The following COL6A5 variants were observed in gnomAD, a reference collection of about 807,000 sequenced individuals.
The protein encoded by COL6A5 is collagen type VI alpha 5 chain, also known as collagen alpha-5(VI) chain.
Under a neutral mutation model 65.6 loss-of-function variants are expected in COL6A5, and 48 were observed. The ratio of observed to expected loss-of-function variants is 0.73; its 90% CI spans 0.58 to 0.93. COL6A5 has a LOEUF of 0.93. Among genes scored for constraint, COL6A5 ranks in the 40% least tolerant of loss-of-function variants. The pLI, the probability that COL6A5 is intolerant of heterozygous loss-of-function variation, is 0.00. For synonymous variants in COL6A5, 291 were observed against 322.8 expected, an observed-to-expected ratio of 0.90 and a Z score of 1.05; for missense variants, 914 against 928.3, an observed-to-expected ratio of 0.98 and a Z score of 0.20.
chr3:130,477,055 C>T, intron 7 of COL6A5: 1 of 1,504,448 alleles, frequency 6.6e-7, no homozygotes, highest in Non-Finnish European at 8.9e-7. Flanking sequence ...ATGGAAGCTA[C>T]AGACATCTGA....
chr3:130,351,974 G>A (rs1934734119), intron 1 of COL6A5, among the ~76,000 whole-genome samples: 1 of 152,144 alleles, frequency 6.6e-6, no homozygotes, highest in Non-Finnish European at 1.5e-5. Flanking sequence ...ATACTATGCA[G>A]CCATAAAAAA....
In COL6A5 at chr3:130,421,473, G is replaced by T; in HGVS notation, c.5037+113G>T. 3 of 995,876 alleles carry T rather than the reference G, an allele frequency of 3.0e-6. No homozygotes were observed. In the East Asian group the frequency reaches 7.8e-5, roughly 26 times the overall value. The allele number at this position is 995,876 out of a possible 1,614,324, so 61.7% of individuals were successfully genotyped here. The stretch of plus-strand genomic sequence containing the variant: ...GGACAATAAGGAGAAACCAAGGACA[G>T]TTGTTTTCCTTGGGCTTCCTGAGGA... On this transcript the variant is annotated intron_variant and NMD_transcript_variant, in intron 27 of 41. Coordinates refer to the COL6A5 transcript ENST00000312481.
At chr3:130,374,922 T>A (rs1935710229) in intron 2 of COL6A5, among the ~76,000 whole-genome samples, 1 of 152,224 alleles carries the variant, frequency 6.6e-6, no homozygotes, top group Non-Finnish European at 1.5e-5. Context: ...TAAGTTTTTA[T>A]ACTCTCTTGT....
chr3:130,471,788 G>A, intron 7 of COL6A5: 1 of 1,534,888 alleles, frequency 6.5e-7, no homozygotes. Context: ...TCATAGTAGT[G>A]GTTCTGAGAC....
At chr3:130,455,777 T>A (rs1709558370) in intron 5 of COL6A5, 111 bp downstream of exon 37, 11 of 779,120 alleles carry the variant, frequency 1.4e-5, no homozygotes, top group Non-Finnish European at 2.1e-5. Flanking sequence ...CAACTTTTTT[T>A]AAAGTTCATT....
chr3:130,416,969 A>G (rs1024811974), intron 24 of COL6A5, 150 bp downstream of exon 24: 3 of 574,260 alleles, frequency 5.2e-6, no homozygotes, highest in South Asian at 2.5e-5. Context: ...CAGAACATGC[A>G]GGTTTGTTAC....
chr3:130,483,887 C>T (rs1040387960), intron 7 of COL6A5, 148 bp from the exon 41 acceptor site: 7 of 613,724 alleles, frequency 1.1e-5, no homozygotes, highest in African/African-American at 1.1e-4. Context: ...TATCACATCA[C>T]CCTGAGCTGG....
chr3:130,356,027 A>G (rs55935038), intron 1 of COL6A5, among the ~76,000 whole-genome samples: 2,862 of 152,194 alleles, frequency 0.019, 83 homozygotes, highest in African/African-American at 0.064. Context: ...TGTAGTGCAT[A>G]CTTTTTTCTG....
intron 1 of COL6A5, among the ~76,000 whole-genome samples, chr3:130,358,343 A>T (rs898331938): frequency 1.3e-5 from 2 of 152,196 alleles, no homozygotes; most frequent in Admixed American, 1.3e-4. Context: ...TTTTATTTAA[A>T]ATGAGAATAT....
intron 29 of COL6A5, among the ~76,000 whole-genome samples, chr3:130,424,589 T>C (rs2107687679): frequency 6.6e-6 from 1 of 152,256 alleles, no homozygotes; most frequent in Non-Finnish European, 1.5e-5. Flanking sequence ...GCTGCTTATC[T>C]TGTTTTGTGC....
At chr3:130,365,463 G>A (rs1418433239) in intron 1 of COL6A5, among the ~76,000 whole-genome samples, 1 of 152,164 alleles carries the variant, frequency 6.6e-6, no homozygotes, top group Non-Finnish European at 1.5e-5. Context: ...ATTTTTAGTA[G>A]AGACGGGGTT....
chr3:130,384,969 A>G, exon 5 of COL6A5: 2 of 1,551,020 alleles, frequency 1.3e-6, no homozygotes, highest in South Asian at 1.2e-5. Flanking sequence ...TATTCAGATG[A>G]CACAGAAGTG....
rs539302578 is a variant in COL6A5 at position 130,481,079 on chromosome 3, G to A, written c.2329-2956G>A. On this transcript the variant is annotated intron_variant, in intron 7 of 7. Transcript: ENST00000512836. ...TTTTTTTTAATCCTTTAAGTTCTGG[G>A]ATACATGTATAAAATGTGCAGGTTT... Among the ~76,000 whole-genome samples, 220 of 151,830 alleles carry A rather than the reference G, an allele frequency of 1.4e-3. 1 individual carries two copies. Among genetic ancestry groups the A allele is most frequent in the Non-Finnish European group, 2.3e-3 (155 of 67,940 alleles).
intron 3 of COL6A5, 128 bp downstream of exon 3, chr3:130,376,964 A>G (rs1267647965): frequency 2.9e-6 from 3 of 1,024,940 alleles, no homozygotes; most frequent in Non-Finnish European, 4.1e-6. Flanking sequence ...ACTTCTACAC[A>G]TCATACCTAC....
chr3:130,404,087 T>C (rs1303334151), intron 13 of COL6A5, among the ~76,000 whole-genome samples: 3 of 152,192 alleles, frequency 2.0e-5, no homozygotes, highest in Non-Finnish European at 2.9e-5. Flanking sequence ...GCTTAGTACA[T>C]GGCTTTGGGC....
At chr3:130,400,547 T>A (rs1244605924) in intron 10 of COL6A5, among the ~76,000 whole-genome samples, 1 of 151,676 alleles carries the variant, frequency 6.6e-6, no homozygotes, top group East Asian at 1.9e-4. Flanking sequence ...GCTGAGACAA[T>A]TGCCCTGGGC....
exon 4 of COL6A5, chr3:130,379,903 G>A (rs1470443208): frequency 6.4e-7 from 1 of 1,551,356 alleles, no homozygotes; most frequent in Non-Finnish European, 8.7e-7. Context: ...AGAAGAAATA[G>A]TGTCTTATCC....
intron 29 of COL6A5, among the ~76,000 whole-genome samples, chr3:130,424,710 A>G (rs1458298303): frequency 6.6e-6 from 1 of 152,154 alleles, no homozygotes; most frequent in African/African-American, 2.4e-5. Context: ...TAGAATGACA[A>G]TCAGCTAACT....
Position 130,466,907 on chromosome 3 carries a change from A to G in COL6A5, c.1545-1888A>G, listed in dbSNP as rs79163812. ...ACTACCAAAGCTTACTCAAGAAGAA[A>G]TAACCTAAGTAGCCTTATACCTATT... On this transcript the variant is annotated intron_variant, in intron 5 of 7. Coordinates refer to ENST00000512836, the Ensembl canonical transcript of COL6A5. Among the ~76,000 whole-genome samples, 962 of 152,130 alleles carry G rather than the reference A, an allele frequency of 6.3e-3. 11 individuals are homozygous for G. The highest frequency in any genetic ancestry group is 0.022 in the African/African-American group (894 of 41,564).
Sources: gnomAD v4.1 joint callset for allele counts (sites outside exome capture counted in the v4.1 genomes callset) on GRCh38, gnomAD v4.1.1 for gene constraint, MANE v1.5 for transcripts, NCBI Gene and HGNC (gene_info 2026-07-23, HGNC 2026-07-21) for gene names.